SGCD: variants seen among roughly 807,000 people sequenced by gnomAD.
The protein encoded by SGCD is sarcoglycan delta.
In SGCD, 18 loss-of-function variants were observed where a neutral mutation model predicts 36.6. The observed-to-expected ratio is 0.49, with a 90% CI of 0.34 to 0.73. The LOEUF is 0.73. SGCD is among the 30% of genes least tolerant of loss of function. The pLI, the probability that SGCD is intolerant of heterozygous loss-of-function variation, is 0.01. For missense variants in SGCD, 387 were observed against 346.7 expected, an observed-to-expected ratio of 1.12 and a Z score of -0.92; for synonymous variants, 133 against 130.6, an observed-to-expected ratio of 1.02 and a Z score of -0.12.
At chr5:155,993,460 T>C (rs1758477366) in intron 1 of SGCD, among the ~76,000 whole-genome samples, 1 of 150,196 alleles carries the variant, frequency 6.7e-6, no homozygotes. Flanking sequence ...TTCTTGTGCC[T>C]CAGCCTCCCA....
intron 4 of SGCD, among the ~76,000 whole-genome samples, chr5:156,511,383 A>T (rs1455186325): frequency 1.3e-5 from 2 of 152,206 alleles, no homozygotes; most frequent in Non-Finnish European, 2.9e-5. Flanking sequence ...CCATTGCAAC[A>T]GTCTCTTCGC....
At chr5:156,208,086 T>C (rs1764337922) in intron 3 of SGCD, among the ~76,000 whole-genome samples, 1 of 152,200 alleles carries the variant, frequency 6.6e-6, no homozygotes, top group African/African-American at 2.4e-5. Flanking sequence ...CAAACATAAA[T>C]TCTAAAATAC....
chr5:156,105,962 T>A (rs941930758), intron 1 of SGCD, among the ~76,000 whole-genome samples: 4 of 151,070 alleles, frequency 2.6e-5, no homozygotes, highest in Non-Finnish European at 5.9e-5. Context: ...AATACAAAAA[T>A]TAGCTGGGTG....
intron 3 of SGCD, among the ~76,000 whole-genome samples, chr5:156,484,029 A>G (rs780640504): frequency 7.9e-5 from 12 of 152,148 alleles, no homozygotes; most frequent in Non-Finnish European, 1.2e-4. Flanking sequence ...CATCCCAGAA[A>G]CCGGCCCTTT....
chr5:156,105,258 G>A (rs979563906), intron 1 of SGCD, among the ~76,000 whole-genome samples: 3 of 152,136 alleles, frequency 2.0e-5, no homozygotes, highest in Non-Finnish European at 2.9e-5. Flanking sequence ...AATAAAGAAA[G>A]TACTTCACAC....
intron 6 of SGCD, among the ~76,000 whole-genome samples, chr5:156,597,661 T>C (rs1285641329): frequency 3.3e-5 from 5 of 152,190 alleles, no homozygotes; most frequent in Admixed American, 1.3e-4. Context: ...ACTTGAGACA[T>C]TGGAGTCTTA....
At chr5:156,522,627 C>G (rs972336658) in intron 4 of SGCD, among the ~76,000 whole-genome samples, 1 of 151,978 alleles carries the variant, frequency 6.6e-6, no homozygotes, top group Admixed American at 6.6e-5. Flanking sequence ...ACAGTTAATG[C>G]ATGCTGGGCT....
chr5:155,735,715 G>A, the SGCD span, among the ~76,000 whole-genome samples: 1 of 152,212 alleles, frequency 6.6e-6, no homozygotes, highest in Non-Finnish European at 1.5e-5. Flanking sequence ...TGCTGAAAAC[G>A]AGAGAAGCAG....
chr5:156,102,590 G>A (rs1761545648), intron 1 of SGCD, among the ~76,000 whole-genome samples: 1 of 152,172 alleles, frequency 6.6e-6, no homozygotes, highest in Non-Finnish European at 1.5e-5. Context: ...AATTCTAGCA[G>A]TTTCTGAGAA....
intron 1 of SGCD, among the ~76,000 whole-genome samples, chr5:156,327,434 G>A (rs1318846053): frequency 6.6e-6 from 1 of 152,182 alleles, no homozygotes; most frequent in African/African-American, 2.4e-5. Flanking sequence ...TTTTCAGCAG[G>A]GCAGAGAGAC....
chr5:156,020,577 T>C (rs1439382551), intron 1 of SGCD, among the ~76,000 whole-genome samples: 1 of 152,178 alleles, frequency 6.6e-6, no homozygotes, highest in Non-Finnish European at 1.5e-5. Flanking sequence ...ATTGGAGAAC[T>C]TTGGCAAGGG....
chr5:155,925,035 T>A (rs988242262), intron 1 of SGCD, among the ~76,000 whole-genome samples: 44 of 152,152 alleles, frequency 2.9e-4, no homozygotes, highest in African/African-American at 1.1e-3. Context: ...ATGAGGAAAT[T>A]AAGAATTTGT....
chr5:156,548,939 C>T (rs1229990553), intron 4 of SGCD, among the ~76,000 whole-genome samples: 2 of 152,082 alleles, frequency 1.3e-5, no homozygotes, highest in Admixed American at 6.5e-5. Context: ...AACATCACAG[C>T]ACTTTCAAAT....
At chr5:155,846,613 A>T in the SGCD span, among the ~76,000 whole-genome samples, 1 of 152,230 alleles carries the variant, frequency 6.6e-6, no homozygotes, top group East Asian at 1.9e-4. Flanking sequence ...GGTTCAACTC[A>T]CCAGATTTCT....
chr5:156,634,458 G>GCAACAA (rs369295537), intron 6 of SGCD, among the ~76,000 whole-genome samples: 1 of 151,812 alleles, frequency 6.6e-6, no homozygotes, highest in African/African-American at 2.4e-5. Context: ...AAGGAAAACA[G>GCAACAA]CAACAACAAC....
chr5:156,126,935 G>T lies in SGCD; in HGVS notation c.-44+2916G>T. Among the ~76,000 whole-genome samples the T allele has an allele frequency of 1.3e-5, 2 of 152,138 alleles. 1 individual carries two copies. The highest frequency in any genetic ancestry group is 2.9e-5 in the Non-Finnish European group (2 of 68,020). Reference sequence around the variant, plus strand: ...TACTAAGTCAAACTTCTTGGAGAAAGGTCCAGAAATCTGTTTTTGTTTAAT... The same window carrying T: ...TACTAAGTCAAACTTCTTGGAGAAATGTCCAGAAATCTGTTTTTGTTTAAT... On this transcript the variant is annotated intron_variant, in intron 3 of 9. Transcript: ENST00000517913.
intron 1 of SGCD, among the ~76,000 whole-genome samples, chr5:156,088,981 A>C (rs563666523): frequency 1.3e-5 from 2 of 152,104 alleles, no homozygotes; most frequent in Admixed American, 6.5e-5. Flanking sequence ...TTTTTCAGCC[A>C]GTTGTTGATT....
At chr5:156,193,315 C>T (rs574923154) in intron 3 of SGCD, among the ~76,000 whole-genome samples, 2 of 152,262 alleles carry the variant, frequency 1.3e-5, no homozygotes, top group East Asian at 3.9e-4. Flanking sequence ...TTTTTCCCTG[C>T]TTGCCCTGTG....
At chr5:155,885,876 G>A (rs1198903603) in intron 1 of SGCD, among the ~76,000 whole-genome samples, 1 of 152,176 alleles carries the variant, frequency 6.6e-6, no homozygotes, top group Non-Finnish European at 1.5e-5. Flanking sequence ...GCTTTTCTAT[G>A]TTTCAGTTTC....
Sources: allele counts gnomAD v4.1 joint callset (sites outside exome capture counted in the v4.1 genomes callset), GRCh38; gene constraint gnomAD v4.1.1; transcripts MANE v1.5; gene names NCBI Gene and HGNC (gene_info 2026-07-23, HGNC 2026-07-21).